The following PDZD2 variants were observed in gnomAD, a reference collection of about 807,000 sequenced individuals.
PDZD2 encodes PDZ domain-containing protein 2.
Under a neutral mutation model 220.7 loss-of-function variants are expected in PDZD2, and 90 were observed. The observed-to-expected ratio is 0.41, with a 90% CI of 0.34 to 0.49. The LOEUF (loss-of-function observed/expected upper bound fraction) is 0.49, where lower values mean the gene tolerates loss of function less well. Among genes scored for constraint, PDZD2 ranks in the 20% least tolerant of loss-of-function variants. The pLI, the probability that PDZD2 is intolerant of heterozygous loss-of-function variation, is 0.28. For missense variants in PDZD2, 3,174 were observed against 3,608.5 expected (o/e 0.88, Z 3.08); for synonymous variants, 1,375 against 1,450.5 (o/e 0.95, Z 1.18).
intron 15 of PDZD2, 127 bp downstream of exon 15, chr5:32,069,777 AAGACAGTCT>A: frequency 1.6e-6 from 1 of 636,382 alleles, no homozygotes. Flanking sequence ...GTAGCTGTCA[AAGACAGTCT>A]ATGCTTTCTC....
chr5:31,685,637 C>T (rs973766129), intron 1 of PDZD2, among the ~76,000 whole-genome samples: 39 of 152,136 alleles, frequency 2.6e-4, no homozygotes, highest in African/African-American at 9.2e-4. Context: ...ATTCCTCCCA[C>T]CTTAGCCTTC....
intron 2 of PDZD2, among the ~76,000 whole-genome samples, chr5:31,875,910 C>T (rs1025363401): frequency 2.6e-5 from 4 of 151,728 alleles, no homozygotes; most frequent in Non-Finnish European, 5.9e-5. Context: ...AGAATGAGTC[C>T]ATCCTTTCAT....
chr5:31,849,383 C>CA (rs141222660), intron 2 of PDZD2, among the ~76,000 whole-genome samples: 12,435 of 151,808 alleles, frequency 0.082, 624 homozygotes, highest in Middle Eastern at 0.15. Flanking sequence ...AGGGCTACTG[C>CA]AAAAAAATGA....
intron 1 of PDZD2, among the ~76,000 whole-genome samples, chr5:31,703,015 C>G (rs553669933): frequency 4.6e-5 from 7 of 152,328 alleles, no homozygotes; most frequent in African/African-American, 1.7e-4. Context: ...TCCTGTGGCC[C>G]TCCCTGTTTG....
intron 1 of PDZD2, among the ~76,000 whole-genome samples, chr5:31,732,711 T>C (rs977821599): frequency 1.3e-5 from 2 of 152,160 alleles, no homozygotes; most frequent in Admixed American, 6.5e-5. Context: ...GTAGGGAAAA[T>C]ATCAGGAGCA....
chr5:31,850,654 T>TG (rs1758004834), intron 2 of PDZD2, among the ~76,000 whole-genome samples: 2 of 142,900 alleles, frequency 1.4e-5, no homozygotes, highest in South Asian at 4.6e-4. Flanking sequence ...TTTTTTTTTT[T>TG]GAGACGGAGT....
At chr5:31,939,993 C>T (rs1044273882) in intron 2 of PDZD2, among the ~76,000 whole-genome samples, 2 of 152,220 alleles carry the variant, frequency 1.3e-5, no homozygotes, top group Non-Finnish European at 2.9e-5. Flanking sequence ...TTTCGTGGCT[C>T]AGTGGCCAGC....
At chr5:31,989,427 T>TTTTTTTTTTTTTTTTATTTATTTTTTTA (rs1751026161) in intron 3 of PDZD2, among the ~76,000 whole-genome samples, 58 of 144,734 alleles carry the variant, frequency 4.0e-4, no homozygotes, top group African/African-American at 1.5e-3. Context: ...TTTTCTTTTT[T>TTTTTTTTTTTTTTTTATTTATTTTTTTA]TTTTTTTTTT....
chr5:31,832,597 C>A (rs1756676060), intron 2 of PDZD2: 1 of 152,190 alleles, frequency 6.6e-6, no homozygotes, highest in Non-Finnish European at 1.5e-5. Flanking sequence ...AGGCAGATCA[C>A]CTGAGGTGAG....
chr5:31,766,113 G>A (rs1420601531), intron 1 of PDZD2, among the ~76,000 whole-genome samples: 1 of 152,204 alleles, frequency 6.6e-6, no homozygotes, highest in Non-Finnish European at 1.5e-5. Flanking sequence ...CCAGGAGGCT[G>A]AGGCTGCAGT....
chr5:31,685,401 G>A (rs987469130), intron 1 of PDZD2, among the ~76,000 whole-genome samples: 1 of 152,190 alleles, frequency 6.6e-6, no homozygotes, highest in Non-Finnish European at 1.5e-5. Flanking sequence ...ATGGAAAACT[G>A]AGAACATACA....
At chr5:31,682,988 A>G (rs1746708076) in intron 1 of PDZD2, among the ~76,000 whole-genome samples, 2 of 151,804 alleles carry the variant, frequency 1.3e-5, no homozygotes, top group Non-Finnish European at 2.9e-5. Context: ...TTTTCTCTGG[A>G]CCTGACCAGT....
chr5:31,742,205 G>C (rs1233677987), intron 1 of PDZD2: 1 of 152,118 alleles, frequency 6.6e-6, no homozygotes, highest in Non-Finnish European at 1.5e-5. Flanking sequence ...CTTTCTTCAC[G>C]GGGTTATTGC....
At chr5:31,782,707 ATTTT>A (rs34166035) in intron 1 of PDZD2, among the ~76,000 whole-genome samples, 17 of 96,512 alleles carry the variant, frequency 1.8e-4, no homozygotes, top group African/African-American at 6.1e-4. Context: ...ACCACTTTAG[ATTTT>A]TTTTTTTTTT....
At chr5:31,748,056 T>C (rs1434815604) in intron 1 of PDZD2, 1 of 152,244 alleles carries the variant, frequency 6.6e-6, no homozygotes, top group Non-Finnish European at 1.5e-5. Context: ...TTTAAAATGA[T>C]ACCATGGGTG....
chr5:32,038,556 AC>A (rs1470762464), intron 7 of PDZD2, among the ~76,000 whole-genome samples: 1 of 152,084 alleles, frequency 6.6e-6, no homozygotes, highest in Non-Finnish European at 1.5e-5. Context: ...AAACAAAAAA[AC>A]AAAAGATACA....
intron 1 of PDZD2, among the ~76,000 whole-genome samples, chr5:31,669,090 A>C (rs1402728681): frequency 2.0e-5 from 3 of 151,546 alleles, no homozygotes; most frequent in Non-Finnish European, 4.4e-5. Context: ...AACATCTAAC[A>C]GTGCACAGGA....
chr5:31,990,988 GT>G (rs1751164548), intron 3 of PDZD2, among the ~76,000 whole-genome samples: 1 of 152,194 alleles, frequency 6.6e-6, no homozygotes, highest in African/African-American at 2.4e-5. Context: ...GGGGCAGAAT[GT>G]TCCCAGGGAA....
chr5:32,021,322 T>C (rs1415770837), intron 6 of PDZD2, among the ~76,000 whole-genome samples: 1 of 152,026 alleles, frequency 6.6e-6, no homozygotes. Flanking sequence ...TGGAGTGCTG[T>C]GGCATGATCT....
Sources: gnomAD v4.1 joint callset for allele counts (sites outside exome capture counted in the v4.1 genomes callset) on GRCh38, gnomAD v4.1.1 for gene constraint, MANE v1.5 for transcripts, NCBI Gene and HGNC (gene_info 2026-07-23, HGNC 2026-07-21) for gene names.